Variants in COL24A1 observed in about 807,000 individuals in gnomAD.
The protein encoded by COL24A1 is collagen alpha-1(XXIV) chain.
COL24A1 carries 224 observed loss-of-function variants against 253.9 expected under a neutral mutation model. The observed-to-expected ratio is 0.88, with a 90% CI of 0.79 to 0.99. COL24A1 has a LOEUF of 0.99. Among genes scored for constraint, COL24A1 ranks in the 50% least tolerant of loss-of-function variants. COL24A1 has a pLI of 0.00. For missense variants in COL24A1, 2,131 were observed against 2,068.5 expected (o/e 1.03, Z -0.59); for synonymous variants, 685 against 673.7 (o/e 1.02, Z -0.26).
intron 2 of COL24A1, among the ~76,000 whole-genome samples, chr1:86,127,938 T>C (rs936529925): frequency 6.6e-6 from 1 of 152,042 alleles, no homozygotes; most frequent in African/African-American, 2.4e-5. Context: ...TATTTTAAGG[T>C]TAGAACAACC....
Position 86,053,149 on chromosome 1 carries a change from G to A in COL24A1, c.1852-2972C>T, listed in dbSNP as rs1397068271. 2.0e-5 allele frequency among the ~76,000 whole-genome samples: 3 copies of A among 152,060 alleles called. No individual in the cohort carries two copies. The East Asian group carries it at 5.8e-4, about 29-fold the overall frequency. On this transcript the variant is annotated intron_variant, in intron 10 of 59. Coordinates refer to ENST00000370571, the MANE Select transcript of COL24A1 (RefSeq NM_152890.7). ...AGAGCATTTAGGATTATGATGACAA[G>A]CTGTGTACATTTTCAGAATCATCTG... is the stretch of plus-strand genomic sequence containing the variant.
chr1:86,142,270 T>A (rs1346633356), intron 2 of COL24A1, among the ~76,000 whole-genome samples: 4 of 151,172 alleles, frequency 2.6e-5, no homozygotes, highest in Non-Finnish European at 5.9e-5. Flanking sequence ...ACGCCTGTAA[T>A]CCCAGCACTT....
At chr1:85,818,732 T>G (rs566195664) in intron 45 of COL24A1, among the ~76,000 whole-genome samples, 1 of 152,238 alleles carries the variant, frequency 6.6e-6, no homozygotes, top group Non-Finnish European at 1.5e-5. Context: ...ATTGTTCTGA[T>G]GACATTCTAA....
intron 53 of COL24A1, among the ~76,000 whole-genome samples, chr1:85,763,810 C>CT (rs1667085977): frequency 6.6e-6 from 1 of 151,970 alleles, no homozygotes; most frequent in Admixed American, 6.6e-5. Context: ...TGTTAATTTT[C>CT]TAAAGGGGAA....
At chr1:85,920,806 A>G (rs1686377157) in intron 24 of COL24A1, among the ~76,000 whole-genome samples, 1 of 152,124 alleles carries the variant, frequency 6.6e-6, no homozygotes, top group African/African-American at 2.4e-5. Flanking sequence ...ATCTTGAAAT[A>G]CTGATTTGTG....
rs1414640934 is a variant in COL24A1 at position 85,786,420 on chromosome 1, A to G, written c.3993T>C (p.Ala1331=). ...GGPGRTGLAG[A]PGPPGVKGSS... The stretch of plus-strand genomic sequence containing the variant: ...AACCCTTTACTCCTGGAGGACCTGG[A>G]GCCCCAGCAAGACCTGTTCTTCCTG... The change falls in exon 48 of 60, where the codon GCT becomes GCC. Residue 1331 remains alanine (A), a synonymous_variant. Coordinates refer to ENST00000370571, the MANE Select transcript of COL24A1 (RefSeq NM_152890.7). 6.2e-7 allele frequency: 1 copy of G among 1,613,582 alleles called. No individual in the cohort carries two copies. Among genetic ancestry groups the G allele is most frequent in the Non-Finnish European group, 8.5e-7 (1 of 1,179,814 alleles).
At chr1:86,080,238 G>A (rs1702534836) in intron 7 of COL24A1, among the ~76,000 whole-genome samples, 1 of 152,056 alleles carries the variant, frequency 6.6e-6, no homozygotes, top group African/African-American at 2.4e-5. Flanking sequence ...TTGAATTCAT[G>A]GAGACAGGCA....
chr1:85,959,365 C>T (rs1253635625), intron 24 of COL24A1, among the ~76,000 whole-genome samples: 1 of 152,032 alleles, frequency 6.6e-6, no homozygotes, highest in Non-Finnish European at 1.5e-5. Flanking sequence ...TGTCTAATAA[C>T]TTATCAGATG....
At chr1:85,867,925 G>T (rs1679980716) in intron 37 of COL24A1, among the ~76,000 whole-genome samples, 2 of 151,962 alleles carry the variant, frequency 1.3e-5, no homozygotes, top group African/African-American at 4.8e-5. Flanking sequence ...TTGTATTTTT[G>T]GTGGAGAAGG....
intron 1 of COL24A1, chr1:86,155,692 G>C (rs1286065990): frequency 6.6e-6 from 1 of 152,568 alleles, no homozygotes; most frequent in Non-Finnish European, 1.5e-5. Context: ...CTTCCCCAGT[G>C]ACAGGGCAAT....
intron 55 of COL24A1, among the ~76,000 whole-genome samples, chr1:85,745,933 G>T (rs1241338418): frequency 6.6e-6 from 1 of 152,160 alleles, no homozygotes; most frequent in Non-Finnish European, 1.5e-5. Context: ...TCCTGAGGTA[G>T]TCACCACATT....
chr1:86,111,041 G>A (rs1705531491), intron 5 of COL24A1, among the ~76,000 whole-genome samples: 1 of 152,216 alleles, frequency 6.6e-6, no homozygotes, highest in South Asian at 2.1e-4. Context: ...AGAACTTTAT[G>A]TCTAGCTGAA....
chr1:85,795,645 A>C (rs1230635540), intron 47 of COL24A1, among the ~76,000 whole-genome samples: 1 of 152,118 alleles, frequency 6.6e-6, no homozygotes, highest in Non-Finnish European at 1.5e-5. Flanking sequence ...TTCTAAAAAA[A>C]GTTTTTTCCT....
rs190959399 is a variant in COL24A1, at chr1:85,853,357, T to G, written c.3301-3951A>C. On this transcript the variant is annotated intron_variant, in intron 37 of 59. Transcript: ENST00000370571. ...TGGTGTATACATACCACTTTTTTTT[T>G]TATCCAGTCCACTGTTGATGGAGAT... 2.1e-3 allele frequency among the ~76,000 whole-genome samples: 316 copies of G among 152,338 alleles called. 10 individuals are homozygous for G. The South Asian group carries it at 0.052, about 25-fold the overall frequency.
intron 43 of COL24A1, among the ~76,000 whole-genome samples, chr1:85,831,274 T>G (rs1046194272): frequency 1.3e-5 from 2 of 152,102 alleles, no homozygotes; most frequent in African/African-American, 4.8e-5. Context: ...AGGAAAGAAG[T>G]GGCTGGTGAA....
chr1:85,944,999 T>G (rs1689123904), intron 24 of COL24A1, among the ~76,000 whole-genome samples: 1 of 47,656 alleles, frequency 2.1e-5, no homozygotes, highest in Non-Finnish European at 3.9e-5. Flanking sequence ...AGTCTATCAT[T>G]GTGTTTTTTT....
Position 85,981,309 on chromosome 1 carries a change from C to A in COL24A1, c.2364+6292G>T, listed in dbSNP as rs1693235732. 3.3e-5 allele frequency among the ~76,000 whole-genome samples: 5 copies of A among 152,068 alleles called. No individual in the cohort carries two copies. In the South Asian group the frequency reaches 1.0e-3, roughly 31 times the overall value. On this transcript the variant is annotated intron_variant, in intron 20 of 59. Coordinates refer to ENST00000370571, the MANE Select transcript of COL24A1 (RefSeq NM_152890.7). ...AAAATTAGGCATGTAGACCAATGGG[C>A]CAGACAAGAGAACCCAGAAATAAAG... is the stretch of plus-strand genomic sequence containing the variant.
In COL24A1 at chr1:86,125,172, T is replaced by G. The variant is rs763491640; in HGVS notation, c.1164A>C (p.Ser388=). 6.2e-7 allele frequency: 1 copy of G among 1,613,416 alleles called. No homozygotes were observed. The highest frequency in any genetic ancestry group is 8.5e-7 in the Non-Finnish European group (1 of 1,179,620). The change falls in exon 3 of 60, where the codon TCA becomes TCC. Residue 388 remains serine (S), a synonymous_variant. Coordinates refer to ENST00000370571, the MANE Select transcript of COL24A1 (RefSeq NM_152890.7). ...TQHDDRVTGL[S]LFKKMPSILP... The stretch of plus-strand genomic sequence containing the variant: ...GAATAGATGGCATCTTCTTAAACAG[T>G]GACAGACCAGTTACTCTATCATCAT...
At position 86,062,582 on chromosome 1, in the gene COL24A1, A is replaced by C. The variant is rs115027990; in HGVS notation, c.1752+1133T>G. On this transcript the variant is annotated intron_variant, in intron 8 of 59. Coordinates refer to ENST00000370571, the MANE Select transcript of COL24A1 (RefSeq NM_152890.7). The stretch of plus-strand genomic sequence containing the variant: ...AACTCGTCAGTAATGACACATGGCC[A>C]ATTTTTCACTTGTGAAGTATCAGGT... Among the ~76,000 whole-genome samples the C allele has an allele frequency of 9.7e-3, 1,472 of 152,162 alleles. 14 individuals carry two copies. Among genetic ancestry groups the C allele is most frequent in the Middle Eastern group, 0.048 (14 of 294 alleles).
Sources: gnomAD v4.1 joint callset for allele counts (sites outside exome capture counted in the v4.1 genomes callset) on GRCh38, gnomAD v4.1.1 for gene constraint, MANE v1.5 for transcripts, NCBI Gene and HGNC (gene_info 2026-07-23, HGNC 2026-07-21) for gene names.